The following MROH7 variants were observed in gnomAD, a reference collection of about 807,000 sequenced individuals.
MROH7 encodes the protein maestro heat-like repeat-containing protein family member 7.
MROH7 carries 113 observed loss-of-function variants against 129.2 expected under a neutral mutation model. The ratio of observed to expected loss-of-function variants is 0.87; its 90% CI spans 0.75 to 1.02. The LOEUF (loss-of-function observed/expected upper bound fraction) is 1.02, where lower values mean the gene tolerates loss of function less well. Among genes scored for constraint, MROH7 ranks in the 50% least tolerant of loss-of-function variants. The pLI is 0.00. For synonymous variants in MROH7, 655 were observed against 667.9 expected, an observed-to-expected ratio of 0.98 and a Z score of 0.30; for missense variants, 1,601 against 1,671.3, an observed-to-expected ratio of 0.96 and a Z score of 0.73.
chr1:54,661,910 T>A (rs867766854), intron 3 of MROH7, among the ~76,000 whole-genome samples: 1 of 152,174 alleles, frequency 6.6e-6, no homozygotes, highest in African/African-American at 2.4e-5. Context: ...AAATATTTTT[T>A]AAATGATTTT....
intron 11 of MROH7, 69 bp downstream of exon 11, chr1:54,678,923 A>C (rs1645024352): frequency 7.2e-6 from 9 of 1,255,264 alleles, no homozygotes; most frequent in Non-Finnish European, 1.0e-5. Context: ...CCTGGCCCCA[A>C]AGCTTTCTTC....
At chr1:54,671,310 GA>G (rs1208005513) in intron 7 of MROH7, among the ~76,000 whole-genome samples, 3 of 152,184 alleles carry the variant, frequency 2.0e-5, no homozygotes, top group African/African-American at 7.2e-5. Context: ...TGAGGCATGA[GA>G]ATGGCTGGAA....
chr1:54,692,590 G>T, intron 16 of MROH7, 29 bp downstream of exon 16: 1 of 1,605,076 alleles, frequency 6.2e-7, no homozygotes, highest in Non-Finnish European at 8.5e-7. Context: ...TTGGGGTTGG[G>T]GTGGGAGGGA....
At chr1:54,680,633 G>T (rs913919897) in intron 13 of MROH7, among the ~76,000 whole-genome samples, 7 of 152,244 alleles carry the variant, frequency 4.6e-5, no homozygotes, top group African/African-American at 1.7e-4. Context: ...GATCTGATGG[G>T]CAGAGGGGAC....
rs1569846678 is a variant in MROH7, at chr1:54,647,492, C to G, written c.-109-4457C>G. Among the ~76,000 whole-genome samples, 3 of 152,230 alleles carry G rather than the reference C, an allele frequency of 2.0e-5. 1 individual carries two copies. Among genetic ancestry groups the G allele is most frequent in the Admixed American group, 2.0e-4 (3 of 15,286 alleles). On this transcript the variant is annotated intron_variant, in intron 1 of 23. Coordinates refer to ENST00000421030, the MANE Select transcript of MROH7 (RefSeq NM_001039464.4). ...TGGTGGCTCACGCCTGTAATCCCAG[C>G]ACCTTCGCAGGCCAAGGTGGGTGGA...
Position 54,679,880 on chromosome 1 carries a change from C to T in MROH7, c.2227-11C>T. 6.2e-7 allele frequency: 1 copy of T among 1,602,310 alleles called. No homozygotes were observed. ...GTCCCCTTGCTCATGGCTGCCCCGG[C>T]TGTGCCCCAGATCCCAGAAATCATG... is the stretch of plus-strand genomic sequence containing the variant. On this transcript the variant is annotated splice_polypyrimidine_tract_variant and intron_variant, in intron 12 of 23. Coordinates refer to ENST00000421030, the MANE Select transcript of MROH7 (RefSeq NM_001039464.4).
chr1:54,699,199 T>TTC (rs1645390687), intron 17 of MROH7: 6 of 121,636 alleles, frequency 4.9e-5, no homozygotes, highest in South Asian at 5.5e-4. Context: ...CTTTCTTTCT[T>TTC]TCTTTCTCTC....
Position 54,670,040 on chromosome 1 carries a change from T to C in MROH7, c.1390-457T>C, listed in dbSNP as rs1371897251. ...AAAAAAAAATAGTTCAAGATGAACC[T>C]GGCCAACATCATGAGGTCTCATCTT... On this transcript the variant is annotated intron_variant, in intron 5 of 23. Coordinates refer to ENST00000421030, the MANE Select transcript of MROH7 (RefSeq NM_001039464.4). 2.0e-5 allele frequency among the ~76,000 whole-genome samples: 3 copies of C among 149,320 alleles called. No homozygotes were observed. In the East Asian group the frequency reaches 6.0e-4, roughly 30 times the overall value.
chr1:54,689,082 C>T (rs1296914185), intron 15 of MROH7, among the ~76,000 whole-genome samples: 1 of 152,176 alleles, frequency 6.6e-6, no homozygotes, highest in Non-Finnish European at 1.5e-5. Flanking sequence ...CATGTCTGCC[C>T]AGAACCCATG....
Position 54,702,198 on chromosome 1 carries a change from G to A in MROH7, c.3394G>A (p.Val1132Met). The A allele has an allele frequency of 1.3e-6, 2 of 1,596,400 alleles. No homozygotes were observed. The highest frequency in any genetic ancestry group is 1.7e-6 in the Non-Finnish European group (2 of 1,172,318). ...GGAGGAGCAGCTGGTCAGCACCTTG[G>A]TGCCCCTACTGCTGACCATGCAGGA... ...AMEEQLVSTL[V>M]PLLLTMQEGN... The change falls in exon 20 of 24, where the codon GTG (valine) becomes ATG (methionine). Residue 1132 changes from valine (V) to methionine (M), a missense_variant. Val to Met is a conservative substitution (Grantham distance 21). Coordinates refer to ENST00000421030, the MANE Select transcript of MROH7 (RefSeq NM_001039464.4).
intron 18 of MROH7, among the ~76,000 whole-genome samples, 155 bp from the exon 19 acceptor site, chr1:54,700,988 T>G (rs1645425919): frequency 6.6e-6 from 1 of 152,172 alleles, no homozygotes; most frequent in African/African-American, 2.4e-5. Flanking sequence ...AGCAAGAGGT[T>G]GGGTGAGGGT....
intron 21 of MROH7, among the ~76,000 whole-genome samples, chr1:54,704,726 G>C (rs1051219095): frequency 5.4e-5 from 8 of 148,656 alleles, no homozygotes; most frequent in Non-Finnish European, 1.2e-4. Context: ...GATTACAGGC[G>C]TGAACCACTA....
intron 16 of MROH7, among the ~76,000 whole-genome samples, chr1:54,693,695 G>C (rs773382626): frequency 3.3e-5 from 5 of 152,192 alleles, no homozygotes; most frequent in Middle Eastern, 3.4e-3. Context: ...TGATTCCAAT[G>C]CTGTGACTCC....
At chr1:54,708,973 G>A (rs759974080) in intron 22 of MROH7, 41 bp from the exon 23 acceptor site, 11 of 1,603,818 alleles carry the variant, frequency 6.9e-6, no homozygotes, top group Admixed American at 3.3e-5. Context: ...TGGGGTCGAC[G>A]TCGGAAGACA....
At chr1:54,685,840 T>A (rs1392048992) in intron 14 of MROH7, among the ~76,000 whole-genome samples, 3 of 152,128 alleles carry the variant, frequency 2.0e-5, no homozygotes, top group Non-Finnish European at 4.4e-5. Context: ...CAGCACGCTA[T>A]AGTTGGTATC....
chr1:54,663,887 A>G (rs185351287), intron 3 of MROH7: 111 of 411,160 alleles, frequency 2.7e-4, no homozygotes, highest in African/African-American at 2.0e-3. Context: ...TGTGTTCACT[A>G]CAATTGGTGT....
intron 10 of MROH7, 84 bp from the exon 11 acceptor site, chr1:54,678,658 T>G: frequency 1.1e-6 from 1 of 910,566 alleles, no homozygotes; most frequent in South Asian, 1.4e-5. Flanking sequence ...TCAAGTTAGT[T>G]CCTTATGATG....
intron 16 of MROH7, 143 bp downstream of exon 16, chr1:54,692,704 G>C: frequency 1.2e-6 from 1 of 820,452 alleles, no homozygotes; most frequent in Non-Finnish European, 1.8e-6. Context: ...CTGGGAGGGT[G>C]CTGTCTTCCT....
At chr1:54,691,475 A>G (rs1645235929) in intron 15 of MROH7, among the ~76,000 whole-genome samples, 1 of 152,156 alleles carries the variant, frequency 6.6e-6, no homozygotes, top group South Asian at 2.1e-4. Context: ...TTTAAATGTA[A>G]GCTTTATTCT....
Sources: allele counts gnomAD v4.1 joint callset (sites outside exome capture counted in the v4.1 genomes callset), GRCh38; gene constraint gnomAD v4.1.1; transcripts MANE v1.5; gene names NCBI Gene and HGNC (gene_info 2026-07-23, HGNC 2026-07-21).